The following MAP3K14 variants were observed in gnomAD, a reference collection of about 807,000 sequenced individuals.
The protein encoded by MAP3K14 is NF-kappa-beta-inducing kinase.
In MAP3K14, 16 loss-of-function variants were observed where a neutral mutation model predicts 99.2. The observed-to-expected ratio is 0.16, with a 90% confidence interval of 0.11 to 0.24. The LOEUF (loss-of-function observed/expected upper bound fraction) is 0.24. Ranked by LOEUF, MAP3K14 falls within the 10% of genes least tolerant of loss-of-function variation. The pLI is 1.00. For synonymous variants in MAP3K14, 462 were observed against 492.4 expected, an observed-to-expected ratio of 0.94 and a Z score of 0.82; for missense variants, 784 against 1,208.7, an observed-to-expected ratio of 0.65 and a Z score of 5.21.
In MAP3K14 at chr17:45,286,474, G is replaced by A; in HGVS notation, c.1109C>T (p.Pro370Leu). 6.2e-7 allele frequency: 1 copy of A among 1,602,104 alleles called. No individual in the cohort carries two copies. Among genetic ancestry groups the A allele is most frequent in the South Asian group, 1.1e-5 (1 of 89,336 alleles). Residue 370 changes from proline (P) to leucine (L), a missense_variant, in exon 5 of 16, where the codon CCC becomes CTC. Pro to Leu is a moderately conservative substitution (Grantham distance 98). Transcript: ENST00000344686. This position sits in a 1 kb window ranked among gnomAD's most constrained non-coding sequence, Gnocchi z 4.1. ...WAARGSRSRE[P>L]SPKTEDNEGV... ...CTCGTTGTCCTCAGTTTTGGGGCTG[G>A]GCTCCCGGGATCTGGAGCCCCTTGC...
intron 6 of MAP3K14, among the ~76,000 whole-genome samples, chr17:45,277,688 G>A (rs1263939202): frequency 6.6e-6 from 1 of 152,174 alleles, no homozygotes; most frequent in African/African-American, 2.4e-5. Context: ...TAACTCAGAA[G>A]GGCGCCAAAT....
At chr17:45,310,027 C>CTTTTTTT (rs59117060) in intron 1 of MAP3K14, among the ~76,000 whole-genome samples, 3 of 98,828 alleles carry the variant, frequency 3.0e-5, no homozygotes, top group Admixed American at 1.1e-4. Context: ...AGGAGTCCAT[C>CTTTTTTT]TTTTTTTTTT....
At chr17:45,305,317 C>T (rs1380292522) in intron 1 of MAP3K14, among the ~76,000 whole-genome samples, 6 of 151,436 alleles carry the variant, frequency 4.0e-5, no homozygotes, top group African/African-American at 7.3e-5. Context: ...AGGATGGTCT[C>T]GATCTCCTGA....
At chr17:45,270,852 C>A in intron 10 of MAP3K14, 1 of 808,084 alleles carries the variant, frequency 1.2e-6, no homozygotes, top group Non-Finnish European at 2.0e-6. Flanking sequence ...GAGTTCTCAC[C>A]TGCCATGAAC....
intron 3 of MAP3K14, 59 bp from the exon 4 acceptor site, chr17:45,287,423 T>C (rs1278763920): frequency 2.1e-6 from 3 of 1,458,420 alleles, no homozygotes; most frequent in African/African-American, 1.4e-5. Context: ...GATGGACTGG[T>C]CCAGACACTT....
intron 1 of MAP3K14, among the ~76,000 whole-genome samples, chr17:45,295,289 A>G (rs2044338860): frequency 6.6e-6 from 1 of 151,974 alleles, no homozygotes; most frequent in South Asian, 2.1e-4. Context: ...TCATCTCCCA[A>G]TAACTAAAAG....
Position 45,271,072 on chromosome 17 carries a change from G to A in MAP3K14, c.1807C>T (p.Pro603Ser). Residue 603 changes from proline to serine, a missense_variant, in exon 10 of 16, where the codon CCG becomes TCG. Pro to Ser is a moderately conservative substitution (Grantham distance 74). Coordinates refer to ENST00000344686, the MANE Select transcript of MAP3K14 (RefSeq NM_003954.5). Reference protein sequence around the residue: ...CHPWTQFFRGPLCLKIASEPP... With the variant: ...CHPWTQFFRGSLCLKIASEPP... The stretch of plus-strand genomic sequence containing the variant: ...CCGTCACCGACCTTGAGGCAGAGCG[G>A]CCCTCGGAAGAACTGAGTCCAGGGG... The A allele has an allele frequency of 6.2e-7, 1 of 1,612,832 alleles. No individual in the cohort carries two copies. The highest frequency in any genetic ancestry group is 8.5e-7 in the Non-Finnish European group (1 of 1,179,706).
chr17:45,267,251 G>C lies in MAP3K14; in HGVS notation c.2327-53C>G. On this transcript the variant is annotated intron_variant, in intron 12 of 15. Coordinates refer to ENST00000344686, the MANE Select transcript of MAP3K14 (RefSeq NM_003954.5). This position sits in a 1 kb window ranked among gnomAD's most constrained non-coding sequence, Gnocchi z 5.1. ...GAAAGACTGGGAGGAGGCTGGCTGT[G>C]TTTTCAGGGGTTCTTCCTGCACAGT... The C allele has an allele frequency of 7.1e-7, 1 of 1,415,840 alleles. No homozygotes were observed. The highest frequency in any genetic ancestry group is 9.8e-7 in the Non-Finnish European group (1 of 1,022,424). The allele number at this position is 1,415,840 out of a possible 1,614,324, so 87.7% of individuals were successfully genotyped here.
In MAP3K14 at chr17:45,312,514, A is replaced by G. The variant is rs190601384; in HGVS notation, c.-21+4446T>C. On this transcript the variant is annotated intron_variant, in intron 1 of 15. Transcript: ENST00000344686. The stretch of plus-strand genomic sequence containing the variant: ...GAGCCTATATTTTTGTTTTGTATTA[A>G]GGTGAAAAAAGACTTTAAAATATAA... 2.8e-4 allele frequency among the ~76,000 whole-genome samples: 42 copies of G among 152,360 alleles called. 1 individual carries two copies. Among genetic ancestry groups the G allele is most frequent in the Admixed American group, 2.4e-3 (37 of 15,302 alleles).
intron 13 of MAP3K14, 60 bp from the exon 14 acceptor site, chr17:45,266,741 T>C (rs2143767712): frequency 6.5e-7 from 1 of 1,542,624 alleles, no homozygotes. Context: ...CATCTCCGGC[T>C]TGGGTCTCAT....
At chr17:45,315,773 A>G (rs1026201785) in intron 1 of MAP3K14, among the ~76,000 whole-genome samples, 1 of 152,100 alleles carries the variant, frequency 6.6e-6, no homozygotes, top group South Asian at 2.1e-4. Flanking sequence ...TCCCTCATAC[A>G]CACCTGCCTC....
In MAP3K14 at chr17:45,270,441, T is replaced by G; in HGVS notation, c.1944A>C (p.Gly648=). 6.2e-7 allele frequency: 1 copy of G among 1,611,978 alleles called. No homozygotes were observed. The highest frequency in any genetic ancestry group is 8.5e-7 in the Non-Finnish European group (1 of 1,179,490). Residue 648 remains glycine (G), a synonymous_variant, in exon 11 of 16, where the codon GGA becomes GGC. Transcript: ENST00000344686. Reference sequence around the variant, plus strand: ...GCTGTAGTGCCCGGTTCACCTTCCCTCCCAGCTCCGCTGCAGACACGCGGT... The same window carrying G: ...GCTGTAGTGCCCGGTTCACCTTCCCGCCCAGCTCCGCTGCAGACACGCGGT... ...PIHRVSAAEL[G]GKVNRALQQV... is the part of the protein sequence containing the mutation.
chr17:45,311,383 G>T (rs1436259396), intron 1 of MAP3K14, among the ~76,000 whole-genome samples: 1 of 152,206 alleles, frequency 6.6e-6, no homozygotes, highest in African/African-American at 2.4e-5. Context: ...TTAAAGTCAA[G>T]CCCTCCTTGT....
intron 1 of MAP3K14, among the ~76,000 whole-genome samples, chr17:45,297,028 C>A (rs555958277): frequency 1.3e-5 from 2 of 152,314 alleles, no homozygotes; most frequent in East Asian, 3.9e-4. Context: ...TCCACACCAA[C>A]CCTGCAAGGT....
intron 1 of MAP3K14, among the ~76,000 whole-genome samples, chr17:45,307,610 C>T (rs1190582885): frequency 2.0e-5 from 3 of 152,130 alleles, no homozygotes; most frequent in African/African-American, 7.2e-5. Flanking sequence ...CGGTCAATCT[C>T]GCTGAAATAC....
chr17:45,288,379 G>GTTTTTT (rs11410554), intron 3 of MAP3K14, among the ~76,000 whole-genome samples: 1 of 135,820 alleles, frequency 7.4e-6, no homozygotes, highest in Non-Finnish European at 1.6e-5. Context: ...TTGAACTCTT[G>GTTTTTT]TTTTTTTTTT....
intron 5 of MAP3K14, 87 bp from the exon 6 acceptor site, chr17:45,285,036 G>A: frequency 6.9e-7 from 1 of 1,439,922 alleles, no homozygotes; most frequent in Non-Finnish European, 9.4e-7. Context: ...TCTCCAGCTG[G>A]TGACCTTGCC....
Position 45,267,065 on chromosome 17 carries a change from A to G in MAP3K14, c.2433+27T>C. 3 of 1,523,636 alleles carry G rather than the reference A, an allele frequency of 2.0e-6. No homozygotes were observed. Among genetic ancestry groups the G allele is most frequent in the Non-Finnish European group, 2.7e-6 (3 of 1,119,836 alleles). The allele number at this position is 1,523,636 out of a possible 1,614,324, so 94.4% of individuals were successfully genotyped here. A position where few individuals can be genotyped will look rare whatever the true frequency, so the allele number is the denominator to read the frequency against. The stretch of plus-strand genomic sequence containing the variant: ...CCGGGAAAACCACACCCCTGGAGCC[A>G]TGGCTCCGGGGCCACAACCGACTCA... On this transcript the variant is annotated intron_variant, in intron 13 of 15. Coordinates refer to ENST00000344686, the MANE Select transcript of MAP3K14 (RefSeq NM_003954.5). The surrounding 1 kb of genome is among the most constrained non-coding windows in gnomAD (Gnocchi z 5.1).
chr17:45,276,877 G>A (rs1252806575), intron 6 of MAP3K14, among the ~76,000 whole-genome samples: 2 of 125,242 alleles, frequency 1.6e-5, no homozygotes, highest in Non-Finnish European at 3.2e-5. Flanking sequence ...CACCAGGCTG[G>A]AGTGCAGTGG....
Sources: allele counts gnomAD v4.1 joint callset (sites outside exome capture counted in the v4.1 genomes callset), GRCh38; gene constraint gnomAD v4.1.1; non-coding constraint Gnocchi (gnomAD v3.1); transcripts MANE v1.5; gene names NCBI Gene and HGNC (gene_info 2026-07-23, HGNC 2026-07-21).